DCAF8L2: variants seen among roughly 807,000 people sequenced by gnomAD.
DCAF8L2 encodes DDB1 and CUL4 associated factor 8 like 2.
For synonymous variants in DCAF8L2, 200 were observed against 190.9 expected (o/e 1.05, Z -0.39); for missense variants, 430 against 490.7 (o/e 0.88, Z 1.17).
chrX:27,532,165 G>T, the DCAF8L2 span, among the ~76,000 whole-genome samples: 1 of 110,717 alleles, frequency 9.0e-6, no homozygotes, highest in Non-Finnish European at 1.9e-5. Flanking sequence ...AGCAATGAGT[G>T]CACCTACAGT....
chrX:27,579,931 T>C, the DCAF8L2 span, among the ~76,000 whole-genome samples: 1 of 108,955 alleles, frequency 9.2e-6, no homozygotes, highest in Non-Finnish European at 1.9e-5. Flanking sequence ...ATATAGTTAA[T>C]ATTTCTTATA....
upstream of DCAF8L2, among the ~76,000 whole-genome samples, chrX:27,587,986 ATATAT>A (rs1315607339): frequency 0.04 from 2,080 of 51,729 alleles, 65 homozygotes; most frequent in African/African-American, 0.11. Flanking sequence ...AAAAAAAAAA[ATATAT>A]ATATATATAT....
intron 1 of DCAF8L2, among the ~76,000 whole-genome samples, chrX:27,601,668 C>T (rs940907046): frequency 6.0e-4 from 65 of 108,202 alleles, no homozygotes; most frequent in African/African-American, 1.9e-3. Flanking sequence ...CCACTGCACT[C>T]CAGCCTGGGC....
chrX:27,513,185 A>G, the DCAF8L2 span, among the ~76,000 whole-genome samples: 4 of 112,005 alleles, frequency 3.6e-5, no homozygotes, highest in Admixed American at 3.8e-4. Context: ...TGGGCTGGGC[A>G]AGGATATTTT....
rs781056943 is a variant in DCAF8L2, at chrX:27,696,945, C to T, written c.-143+19033C>T. 1.1e-4 allele frequency among the ~76,000 whole-genome samples: 12 copies of T among 111,743 alleles called. 1 individual carries two copies. Among genetic ancestry groups the T allele is most frequent in the African/African-American group, 3.9e-4 (12 of 30,557 alleles). ...TATCCCCAAAAGGTTATTTATACAA[C>T]TAAATTGGGAAGATCAATCTGGCAT... On this transcript the variant is annotated intron_variant, in intron 3 of 4. Coordinates refer to ENST00000451261, the MANE Select transcript of DCAF8L2 (RefSeq NM_001353450.2).
chrX:27,594,285 G>T (rs1307451322), intron 1 of DCAF8L2, among the ~76,000 whole-genome samples: 1 of 111,437 alleles, frequency 9.0e-6, no homozygotes, highest in Non-Finnish European at 1.9e-5. Flanking sequence ...TATCATTCTA[G>T]CTCCATAATT....
At chrX:27,517,267 C>A in the DCAF8L2 span, among the ~76,000 whole-genome samples, 2 of 111,551 alleles carry the variant, frequency 1.8e-5, no homozygotes, top group Non-Finnish European at 3.8e-5. Context: ...TCATTTTAAA[C>A]ACTGCCTGAT....
At chrX:27,575,439 G>A in the DCAF8L2 span, among the ~76,000 whole-genome samples, 1 of 111,013 alleles carries the variant, frequency 9.0e-6, no homozygotes, top group African/African-American at 3.3e-5. Flanking sequence ...TAGGTCAGTG[G>A]AGGTGGAGTC....
At position 27,643,394 on chromosome X, in the gene DCAF8L2, G is replaced by T. The variant is rs1928814507; in HGVS notation, c.-220+11394G>T. ...ATGTCTTCTTTTGCAAAATGTCTATGTATGTTTGTTGTAAAAGAGCTATTC... is the reference window on the plus strand; with the variant it reads ...ATGTCTTCTTTTGCAAAATGTCTATTTATGTTTGTTGTAAAAGAGCTATTC... On this transcript the variant is annotated intron_variant, in intron 2 of 4. Transcript: ENST00000451261. 3.0e-5 allele frequency among the ~76,000 whole-genome samples: 3 copies of T among 100,672 alleles called. No homozygotes were observed. The South Asian group carries it at 1.2e-3, about 40-fold the overall frequency. The allele number at this position is 100,672 out of a possible 115,157, so 87.4% of individuals were successfully genotyped here.
the DCAF8L2 span, among the ~76,000 whole-genome samples, chrX:27,470,519 C>T: frequency 8.9e-6 from 1 of 112,319 alleles, no homozygotes; most frequent in Non-Finnish European, 1.9e-5. Context: ...CCATATACTA[C>T]TGGTAGTTTC....
chrX:27,613,305 C>A (rs1927283534), intron 1 of DCAF8L2, among the ~76,000 whole-genome samples: 1 of 111,564 alleles, frequency 9.0e-6, no homozygotes, highest in Admixed American at 9.6e-5. Flanking sequence ...GATTTTGTAT[C>A]CTGAGACTTT....
the DCAF8L2 span, among the ~76,000 whole-genome samples, chrX:27,475,258 G>T: frequency 9.0e-6 from 1 of 111,463 alleles, no homozygotes; most frequent in African/African-American, 3.3e-5. Context: ...GAAATTTCCT[G>T]CAAGGACATT....
At chrX:27,583,824 G>A in the DCAF8L2 span, among the ~76,000 whole-genome samples, 1 of 111,420 alleles carries the variant, frequency 9.0e-6, no homozygotes, top group East Asian at 2.9e-4. Context: ...CCATGAAACC[G>A]ATCCCTGGTG....
the DCAF8L2 span, among the ~76,000 whole-genome samples, chrX:27,501,265 C>T: frequency 1.6e-3 from 173 of 105,297 alleles, 1 homozygote; most frequent in African/African-American, 5.4e-3. Context: ...TTCTCCTCCC[C>T]TCCTCTGCTG....
chrX:27,743,460 C>G (rs1257459909), intron 4 of DCAF8L2, among the ~76,000 whole-genome samples: 1 of 108,612 alleles, frequency 9.2e-6, no homozygotes, highest in Non-Finnish European at 1.9e-5. Context: ...TGCAGTGGCG[C>G]GACCTCAGCT....
chrX:27,574,791 C>T, the DCAF8L2 span, among the ~76,000 whole-genome samples: 1 of 111,252 alleles, frequency 9.0e-6, no homozygotes, highest in Non-Finnish European at 1.9e-5. Context: ...GCTGCTCAAA[C>T]TTCTAGGGGA....
chrX:27,661,479 T>A (rs753458002), intron 2 of DCAF8L2, among the ~76,000 whole-genome samples: 12 of 111,657 alleles, frequency 1.1e-4, no homozygotes, highest in African/African-American at 3.3e-4. Flanking sequence ...GTCAGCCACC[T>A]TGAAGACCTC....
intron 4 of DCAF8L2, among the ~76,000 whole-genome samples, chrX:27,737,009 CCTT>C (rs1427777841): frequency 2.7e-5 from 3 of 111,221 alleles, no homozygotes; most frequent in Non-Finnish European, 5.7e-5. Context: ...ATGCCAATCT[CCTT>C]ATTAAATTTG....
intron 3 of DCAF8L2, among the ~76,000 whole-genome samples, chrX:27,686,775 C>T (rs112594104): frequency 2.6e-3 from 288 of 111,722 alleles, no homozygotes; most frequent in African/African-American, 9.0e-3. Context: ...GTCAGTGGTC[C>T]CCAACGTTTT....
Sources: gnomAD v4.1 joint callset for allele counts (sites outside exome capture counted in the v4.1 genomes callset) on GRCh38, gnomAD v4.1.1 for gene constraint, MANE v1.5 for transcripts, NCBI Gene and HGNC (gene_info 2026-07-23, HGNC 2026-07-21) for gene names.